NUDT9: variants seen among roughly 807,000 people sequenced by gnomAD.
The protein encoded by NUDT9 is nudix hydrolase 9, also known as ADP-ribose pyrophosphatase.
A neutral mutation model predicts 41.0 loss-of-function variants in NUDT9; 31 were observed. That is an observed-to-expected ratio of 0.76 (90% CI 0.57 to 1.02). The LOEUF is 1.02. NUDT9 is among the 50% of genes least tolerant of loss of function. The pLI is 0.00. For missense variants in NUDT9, 380 were observed against 431.4 expected, an observed-to-expected ratio of 0.88 and a Z score of 1.06; for synonymous variants, 146 against 147.6, an observed-to-expected ratio of 0.99 and a Z score of 0.08.
chr4:87,452,767 C>T (rs1722808815), intron 6 of NUDT9, among the ~76,000 whole-genome samples: 1 of 151,214 alleles, frequency 6.6e-6, no homozygotes, highest in Non-Finnish European at 1.5e-5. Flanking sequence ...TAAAAAAATA[C>T]CTTACAAGGT....
intron 3 of NUDT9, 151 bp from the exon 4 acceptor site, chr4:87,441,678 A>G: frequency 8.8e-6 from 6 of 679,240 alleles, no homozygotes; most frequent in East Asian, 2.7e-5. Context: ...CATGAAATAC[A>G]TGACTTCAGC....
chr4:87,455,455 C>T lies in NUDT9; in HGVS notation c.874+1000C>T, dbSNP rs1020174986. Among the ~76,000 whole-genome samples the T allele has an allele frequency of 2.6e-5, 4 of 152,254 alleles. No individual in the cohort carries two copies. The South Asian group carries it at 8.3e-4, about 32-fold the overall frequency. On this transcript the variant is annotated intron_variant, in intron 7 of 7. Coordinates refer to ENST00000302174, the MANE Select transcript of NUDT9 (RefSeq NM_024047.5). ...AAAGTTTTGGAGTTAAAAACAATGACTGATCCTCCAGAAGTTGATTATAGA... is the reference window on the plus strand; with the variant it reads ...AAAGTTTTGGAGTTAAAAACAATGATTGATCCTCCAGAAGTTGATTATAGA...
At chr4:87,432,018 T>C (rs1241849176) in intron 1 of NUDT9, among the ~76,000 whole-genome samples, 2 of 152,230 alleles carry the variant, frequency 1.3e-5, no homozygotes, top group Admixed American at 1.3e-4. Context: ...CATTTTTGTG[T>C]GTTGATTCAT....
At chr4:87,451,450 A>G in intron 5 of NUDT9, 139 bp from the exon 6 acceptor site, 3 of 613,540 alleles carry the variant, frequency 4.9e-6, no homozygotes, top group Non-Finnish European at 8.0e-6. Flanking sequence ...GATGGTTTAG[A>G]GAACAGTGTA....
intron 2 of NUDT9, 117 bp from the exon 3 acceptor site, chr4:87,438,160 C>A: frequency 8.5e-6 from 4 of 471,742 alleles, no homozygotes; most frequent in South Asian, 3.5e-5. Flanking sequence ...AAAACTAACC[C>A]TTAAAAATTT....
chr4:87,453,225 A>C (rs1722834684), intron 6 of NUDT9, among the ~76,000 whole-genome samples: 1 of 152,188 alleles, frequency 6.6e-6, no homozygotes, highest in Admixed American at 6.5e-5. Flanking sequence ...AATAGATCCA[A>C]ATATCTTCAT....
At chr4:87,423,519 C>T (rs1205210802) in intron 1 of NUDT9, among the ~76,000 whole-genome samples, 3 of 124,616 alleles carry the variant, frequency 2.4e-5, no homozygotes, top group African/African-American at 8.2e-5. Flanking sequence ...ACACTGCCTC[C>T]TTCTGTTCTT....
intron 1 of NUDT9, among the ~76,000 whole-genome samples, chr4:87,427,724 A>G (rs1211157827): frequency 6.6e-6 from 1 of 152,172 alleles, no homozygotes; most frequent in Non-Finnish European, 1.5e-5. Flanking sequence ...GTGGAACAGC[A>G]TTAGTGTTTC....
intron 7 of NUDT9, 90 bp from the exon 8 acceptor site, chr4:87,457,752 TA>T: frequency 8.6e-7 from 1 of 1,156,770 alleles, no homozygotes; most frequent in Non-Finnish European, 1.3e-6. Context: ...AATGATGATA[TA>T]AGATTATTTT....
chr4:87,441,875 C>A lies in NUDT9; in HGVS notation c.490C>A (p.Arg164=), dbSNP rs571942291. 1.2e-6 allele frequency: 2 copies of A among 1,613,028 alleles called. No individual in the cohort carries two copies. Among genetic ancestry groups the A allele is most frequent in the Non-Finnish European group, 1.7e-6 (2 of 1,179,646 alleles). ...ACTGGTGGGCCGGGGGCTTTTGGGG[C>A]GATGGGGCCCAAATCACGCTGCAGA... ...TGLVGRGLLG[R]WGPNHAADPI... Residue 164 remains arginine (R), a synonymous_variant, in exon 4 of 8, where the codon CGA becomes AGA. Transcript: ENST00000302174.
At chr4:87,447,473 G>T (rs552450797) in intron 4 of NUDT9, among the ~76,000 whole-genome samples, 5 of 145,098 alleles carry the variant, frequency 3.4e-5, no homozygotes, top group African/African-American at 1.3e-4. Context: ...TTTAGCATTG[G>T]AAGTTTTTTT....
chr4:87,443,956 A>G (rs974459307), intron 4 of NUDT9, among the ~76,000 whole-genome samples: 5 of 152,208 alleles, frequency 3.3e-5, no homozygotes, highest in South Asian at 2.1e-4. Context: ...TGGTAAGCCA[A>G]ATCATATTCA....
intron 1 of NUDT9, among the ~76,000 whole-genome samples, chr4:87,427,859 T>C (rs1390272209): frequency 1.3e-5 from 2 of 152,224 alleles, no homozygotes; most frequent in Non-Finnish European, 2.9e-5. Context: ...ATTTTGCTTT[T>C]TAAAACACCT....
At chr4:87,424,254 GTTTTTTTT>G (rs147874067) in intron 1 of NUDT9, among the ~76,000 whole-genome samples, 7 of 99,178 alleles carry the variant, frequency 7.1e-5, no homozygotes, top group African/African-American at 2.6e-4. Flanking sequence ...TCCCTAATGC[GTTTTTTTT>G]TTTTTTTTTT....
intron 4 of NUDT9, among the ~76,000 whole-genome samples, chr4:87,444,412 T>C (rs1722355973): frequency 6.6e-6 from 1 of 152,184 alleles, no homozygotes; most frequent in Admixed American, 6.6e-5. Context: ...CCAAATTTTA[T>C]CTTCCCTCCA....
chr4:87,438,393 A>G (rs766391045), intron 3 of NUDT9, 21 bp downstream of exon 3: 29 of 1,348,938 alleles, frequency 2.1e-5, no homozygotes, highest in East Asian at 1.6e-4. Flanking sequence ...GGAGCAGAGC[A>G]TCTTACAATA....
chr4:87,444,055 C>G (rs984118681), intron 4 of NUDT9, among the ~76,000 whole-genome samples: 3 of 152,144 alleles, frequency 2.0e-5, no homozygotes, highest in Admixed American at 2.0e-4. Flanking sequence ...AATCATCTTT[C>G]TAATGTACCT....
intron 1 of NUDT9, among the ~76,000 whole-genome samples, chr4:87,432,852 C>G (rs111677087): frequency 1.1e-4 from 16 of 151,930 alleles, no homozygotes; most frequent in African/African-American, 3.6e-4. Context: ...CCAAGAATGT[C>G]TCCCTTGGTC....
intron 6 of NUDT9, among the ~76,000 whole-genome samples, chr4:87,453,312 A>G (rs1722837347): frequency 6.6e-6 from 1 of 152,178 alleles, no homozygotes; most frequent in South Asian, 2.1e-4. Flanking sequence ...CTACCTTTGT[A>G]TTTCAGAAAC....
Sources: allele counts gnomAD v4.1 joint callset (sites outside exome capture counted in the v4.1 genomes callset), GRCh38; gene constraint gnomAD v4.1.1; transcripts MANE v1.5; gene names NCBI Gene and HGNC (gene_info 2026-07-23, HGNC 2026-07-21).